The following DIS3L2 variants were observed in gnomAD, a reference collection of about 807,000 sequenced individuals.
The protein encoded by DIS3L2 is DIS3-like exonuclease 2.
In DIS3L2, 34 loss-of-function variants were observed where a neutral mutation model predicts 97.5. The observed-to-expected ratio is 0.35, with a 90% CI of 0.27 to 0.46. DIS3L2 has a LOEUF of 0.46. Ranked by LOEUF, DIS3L2 falls within the 20% of genes least tolerant of loss-of-function variation. The probability of loss-of-function intolerance (pLI) is 1.00; values close to 1 mark genes in which losing one functional copy is unlikely to be tolerated. For missense variants in DIS3L2, 1,038 were observed against 1,146.0 expected (o/e 0.91, Z 1.36); for synonymous variants, 435 against 445.2 (o/e 0.98, Z 0.29).
intron 6 of DIS3L2, among the ~76,000 whole-genome samples, chr2:232,104,876 G>A (rs2106326822): frequency 6.6e-6 from 1 of 152,280 alleles, no homozygotes; most frequent in South Asian, 2.1e-4. Flanking sequence ...GGAGTGCAGT[G>A]GTGTGATCTC....
In DIS3L2 at chr2:232,104,652, A is replaced by G. The variant is rs546350563; in HGVS notation, c.601+16931A>G. Among the ~76,000 whole-genome samples, 16 of 152,288 alleles carry G rather than the reference A, an allele frequency of 1.1e-4. No individual in the cohort carries two copies. In the South Asian group the frequency reaches 3.3e-3, roughly 32 times the overall value. On this transcript the variant is annotated intron_variant, in intron 6 of 20. Coordinates refer to ENST00000325385, the MANE Select transcript of DIS3L2 (RefSeq NM_152383.5). ...TTTTCCTATTCTAGAGATTTCATAT[A>G]AGTGGAATCATACAATATTCTTTTG...
Position 232,228,667 on chromosome 2 carries a change from A to G in DIS3L2, c.1205-9866A>G, listed in dbSNP as rs11678234. 2.8e-3 allele frequency among the ~76,000 whole-genome samples: 432 copies of G among 152,318 alleles called. 1 individual carries two copies. Among genetic ancestry groups the G allele is most frequent in the Non-Finnish European group, 4.7e-3 (319 of 68,014 alleles). Reference sequence around the variant, plus strand: ...TTACTGCCTCCTGCTCAGGCTGGCCAGTAGTGCTGTTTCTTGGTGTGTGCT... The same window carrying G: ...TTACTGCCTCCTGCTCAGGCTGGCCGGTAGTGCTGTTTCTTGGTGTGTGCT... On this transcript the variant is annotated intron_variant, in intron 10 of 20. Transcript: ENST00000325385.
intron 3 of DIS3L2, 136 bp from the exon 4 acceptor site, chr2:232,024,141 G>T: frequency 1.7e-6 from 1 of 571,440 alleles, no homozygotes; most frequent in Non-Finnish European, 3.1e-6. Context: ...TGCATTTAAT[G>T]AATATTTCTT....
At chr2:232,263,871 G>A (rs1311838897) in intron 13 of DIS3L2, among the ~76,000 whole-genome samples, 2 of 151,784 alleles carry the variant, frequency 1.3e-5, no homozygotes, top group Non-Finnish European at 2.9e-5. Context: ...ACGAAGGCTT[G>A]GAAAAAAAGT....
intron 6 of DIS3L2, among the ~76,000 whole-genome samples, chr2:232,088,527 A>G (rs1036410483): frequency 6.6e-6 from 1 of 150,592 alleles, no homozygotes; most frequent in African/African-American, 2.4e-5. Context: ...GTGCCACTGC[A>G]CTCCAGCCTG....
At chr2:232,182,400 A>G (rs1305246528) in intron 9 of DIS3L2, among the ~76,000 whole-genome samples, 1 of 152,188 alleles carries the variant, frequency 6.6e-6, no homozygotes, top group Admixed American at 6.5e-5. Flanking sequence ...CTGTTGTTGG[A>G]TGGAGTGAGT....
At chr2:232,246,570 C>G (rs1021752640) in intron 11 of DIS3L2, among the ~76,000 whole-genome samples, 4 of 152,184 alleles carry the variant, frequency 2.6e-5, no homozygotes, top group Admixed American at 6.5e-5. Flanking sequence ...GACCAAGACT[C>G]AAAATTTTAC....
intron 9 of DIS3L2, among the ~76,000 whole-genome samples, chr2:232,201,613 ACAGT>A (rs1574942391): frequency 6.6e-6 from 1 of 152,380 alleles, no homozygotes; most frequent in South Asian, 2.1e-4. Context: ...CTTTTTAGGA[ACAGT>A]CAAAGACATT....
chr2:232,000,658 CTTTCT>C lies in DIS3L2; in HGVS notation c.-93-14176_-93-14172del, dbSNP rs1321359049. On this transcript the variant is annotated intron_variant, in intron 1 of 20. Coordinates refer to ENST00000325385, the MANE Select transcript of DIS3L2 (RefSeq NM_152383.5). ...CTTTCCTTTCCTTTCCTTTCCTTTC[CTTTCT>C]CTTTCTCTCTTTCTCTCTTTCTGTC... Among the ~76,000 whole-genome samples the C allele has an allele frequency of 8.4e-3, 1,152 of 137,678 alleles. 17 individuals carry two copies. Among genetic ancestry groups the C allele is most frequent in the African/African-American group, 0.029 (1,096 of 37,214 alleles). The allele number at this position is 137,678 out of a possible 152,430, so 90.3% of individuals were successfully genotyped here.
intron 3 of DIS3L2, among the ~76,000 whole-genome samples, chr2:232,018,146 T>C (rs1694408043): frequency 6.6e-6 from 1 of 152,238 alleles, no homozygotes; most frequent in Non-Finnish European, 1.5e-5. Context: ...TATAGAATTA[T>C]ACCTGTCTAG....
chr2:231,969,060 A>G (rs755535594), intron 1 of DIS3L2, among the ~76,000 whole-genome samples: 5 of 152,008 alleles, frequency 3.3e-5, no homozygotes, highest in Admixed American at 6.6e-5. Flanking sequence ...TTCCTCTTTC[A>G]CCATGATTAT....
At chr2:232,188,591 G>C (rs774005106) in intron 9 of DIS3L2, among the ~76,000 whole-genome samples, 3 of 152,112 alleles carry the variant, frequency 2.0e-5, no homozygotes, top group Non-Finnish European at 4.4e-5. Context: ...ATGGGTCATG[G>C]GCTTAAGTAT....
intron 8 of DIS3L2, among the ~76,000 whole-genome samples, chr2:232,162,834 A>G (rs1559691772): frequency 6.6e-6 from 1 of 152,162 alleles, no homozygotes; most frequent in Non-Finnish European, 1.5e-5. Context: ...GCCTTCTGAA[A>G]GGTGGAACCC....
At chr2:232,309,866 C>T (rs1170673354) in intron 14 of DIS3L2, among the ~76,000 whole-genome samples, 2 of 152,242 alleles carry the variant, frequency 1.3e-5, no homozygotes, top group Non-Finnish European at 2.9e-5. Context: ...AGTGATGCCT[C>T]TTCCTGGCTG....
rs767758196 is a variant in DIS3L2, at chr2:232,300,021, C to G, written c.1660-19C>G. The G allele has an allele frequency of 1.9e-6, 3 of 1,610,664 alleles. No individual in the cohort carries two copies. Among genetic ancestry groups the G allele is most frequent in the Admixed American group, 1.7e-5 (1 of 59,772 alleles). The stretch of plus-strand genomic sequence containing the variant: ...AGCATGCTGCCTAAAACTTCTTTTT[C>G]TCTTCTCTCTCTCTTCAGCTAAAGC... On this transcript the variant is annotated intron_variant, in intron 13 of 20. Transcript: ENST00000325385.
At chr2:232,294,304 G>A (rs985605831) in intron 13 of DIS3L2, among the ~76,000 whole-genome samples, 7 of 152,340 alleles carry the variant, frequency 4.6e-5, no homozygotes, top group African/African-American at 1.7e-4. Flanking sequence ...AGAATGGGGA[G>A]CAGGACAGGG....
intron 12 of DIS3L2, among the ~76,000 whole-genome samples, chr2:232,250,714 G>C (rs1169474021): frequency 2.0e-5 from 3 of 152,198 alleles, no homozygotes; most frequent in Non-Finnish European, 4.4e-5. Flanking sequence ...CATCAAACAT[G>C]CTTGATGGCA....
downstream of DIS3L2, among the ~76,000 whole-genome samples, chr2:232,338,078 G>A (rs1367866500): frequency 1.3e-5 from 2 of 151,992 alleles, no homozygotes; most frequent in Non-Finnish European, 2.9e-5. Flanking sequence ...GTGTTGGGGT[G>A]GAGAAGGCTG....
intron 5 of DIS3L2, among the ~76,000 whole-genome samples, chr2:232,065,155 C>T (rs983764820): frequency 6.6e-6 from 1 of 152,034 alleles, no homozygotes; most frequent in Non-Finnish European, 1.5e-5. Context: ...GTTTTAAGTG[C>T]ATGGTATTTT....
Sources: allele counts gnomAD v4.1 joint callset (sites outside exome capture counted in the v4.1 genomes callset), GRCh38; gene constraint gnomAD v4.1.1; transcripts MANE v1.5; gene names NCBI Gene and HGNC (gene_info 2026-07-23, HGNC 2026-07-21).